The following TCF12 variants were observed in gnomAD, a reference collection of about 807,000 sequenced individuals.
The protein encoded by TCF12 is transcription factor 12, also known as DNA-binding protein HTF4.
A neutral mutation model predicts 86.0 loss-of-function variants in TCF12; 45 were observed. The observed-to-expected ratio is 0.52, with a 90% CI of 0.41 to 0.67. TCF12 has a LOEUF of 0.67. Ranked by LOEUF, TCF12 falls within the 30% of genes least tolerant of loss-of-function variation. TCF12 has a pLI of 0.00. For missense variants in TCF12, 881 were observed against 859.9 expected (o/e 1.02, Z -0.31); for synonymous variants, 330 against 299.6 (o/e 1.10, Z -1.05).
At position 57,192,298 on chromosome 15, in the gene TCF12, G is replaced by A; in HGVS notation, c.526+5G>A. On this transcript the variant is annotated splice_donor_5th_base_variant and intron_variant, in intron 7 of 20. Transcript: ENST00000333725. ...TCCATGACTCTGCAGCGCTTGGTGA[G>A]TGTATCACACAACAAATCCCATCCC... 6.2e-7 allele frequency: 1 copy of A among 1,613,340 alleles called. No homozygotes were observed. The highest frequency in any genetic ancestry group is 8.5e-7 in the Non-Finnish European group (1 of 1,179,722).
chr15:57,238,708 A>G (rs527556559), intron 12 of TCF12, among the ~76,000 whole-genome samples: 2 of 152,336 alleles, frequency 1.3e-5, no homozygotes, highest in African/African-American at 4.8e-5. Flanking sequence ...TTAAAAATAT[A>G]TATATTGGGC....
At position 57,263,186 on chromosome 15, in the gene TCF12, C is replaced by G; in HGVS notation, c.1657C>G (p.Leu553Val). 6.2e-7 allele frequency: 1 copy of G among 1,613,200 alleles called. No individual in the cohort carries two copies. The highest frequency in any genetic ancestry group is 8.5e-7 in the Non-Finnish European group (1 of 1,179,714). Residue 553 changes from leucine (L) to valine (V), a missense_variant, in exon 18 of 21, where the codon CTT (leucine) becomes GTT (valine). Physicochemically the swap from Leu to Val is conservative, Grantham distance 32. This residue lies in a region of TCF12 where 766 missense variants were observed against 718.9 expected (regional missense o/e 1.07). Transcript: ENST00000333725. ...KTENKEKDEN[L>V]HEPPSSDDMK... ...TGAAAACAAAGAAAAGGATGAAAAC[C>G]TTCATGAACCTCCTTCATCAGATGA...
chr15:57,150,901 T>C (rs891931855), intron 5 of TCF12, among the ~76,000 whole-genome samples: 14 of 129,320 alleles, frequency 1.1e-4, no homozygotes, highest in African/African-American at 2.6e-4. Flanking sequence ...CTTCCTTCCT[T>C]CCTTCCTTCC....
chr15:56,939,297 T>C (rs560072528), intron 3 of TCF12, among the ~76,000 whole-genome samples: 6 of 152,316 alleles, frequency 3.9e-5, no homozygotes, highest in Admixed American at 6.5e-5. Context: ...CTAATTCTTT[T>C]TTTTAACCAC....
intron 1 of TCF12, 100 bp downstream of exon 1, chr15:56,919,006 C>G (rs1295373075): frequency 6.6e-6 from 1 of 151,962 alleles, no homozygotes; most frequent in Non-Finnish European, 1.5e-5. Flanking sequence ...CCCCGTCCCC[C>G]GCCTCAACTC....
chr15:57,054,968 T>C (rs1254395828), intron 3 of TCF12, among the ~76,000 whole-genome samples: 1 of 151,978 alleles, frequency 6.6e-6, no homozygotes, highest in Non-Finnish European at 1.5e-5. Flanking sequence ...TCTGAATGCA[T>C]TGTAACTCTT....
At chr15:56,959,217 T>C (rs2061635226) in intron 3 of TCF12, among the ~76,000 whole-genome samples, 1 of 152,228 alleles carries the variant, frequency 6.6e-6, no homozygotes, top group Admixed American at 6.5e-5. Context: ...TTTAAACATT[T>C]ACTATGAGCC....
intron 6 of TCF12, among the ~76,000 whole-genome samples, chr15:57,191,392 G>A (rs1378087695): frequency 5.3e-5 from 8 of 152,184 alleles, no homozygotes; most frequent in African/African-American, 1.9e-4. Flanking sequence ...TTGAGCCCAG[G>A]TTCCAGGCTA....
intron 18 of TCF12, among the ~76,000 whole-genome samples, chr15:57,270,983 C>G (rs572149817): frequency 6.6e-6 from 1 of 152,172 alleles, no homozygotes; most frequent in Non-Finnish European, 1.5e-5. Context: ...GTCTGTTGGC[C>G]TCTACTGGGA....
chr15:57,038,552 TAG>T (rs2066667869), intron 3 of TCF12, among the ~76,000 whole-genome samples: 1 of 152,178 alleles, frequency 6.6e-6, no homozygotes. Context: ...TTCAGAGTTC[TAG>T]AGGTGATTCA....
At chr15:57,082,781 AC>A (rs1417043869) in intron 4 of TCF12, among the ~76,000 whole-genome samples, 1 of 152,216 alleles carries the variant, frequency 6.6e-6, no homozygotes, top group Non-Finnish European at 1.5e-5. Context: ...ACACAAGCAT[AC>A]CTTGCAAACC....
At chr15:57,076,687 T>A (rs1246117735) in intron 4 of TCF12, among the ~76,000 whole-genome samples, 1 of 151,894 alleles carries the variant, frequency 6.6e-6, no homozygotes, top group Non-Finnish European at 1.5e-5. Flanking sequence ...TTTTCCCACA[T>A]TTTTTTCCAT....
intron 3 of TCF12, among the ~76,000 whole-genome samples, chr15:56,939,713 AT>A (rs71960125): frequency 2.0e-5 from 3 of 152,116 alleles, no homozygotes; most frequent in Non-Finnish European, 4.4e-5. Context: ...CCCAAATTGC[AT>A]TTTCTTTCCT....
intron 16 of TCF12, among the ~76,000 whole-genome samples, chr15:57,255,128 C>G (rs2060290059): frequency 6.6e-6 from 1 of 152,106 alleles, no homozygotes; most frequent in African/African-American, 2.4e-5. Context: ...TAATTCTTCA[C>G]TTTTACTAGC....
At chr15:56,962,060 G>C (rs1443176109) in intron 3 of TCF12, among the ~76,000 whole-genome samples, 1 of 150,934 alleles carries the variant, frequency 6.6e-6, no homozygotes, top group Non-Finnish European at 1.5e-5. Flanking sequence ...GTGAACCCGG[G>C]AGGCGGAGCT....
intron 5 of TCF12, among the ~76,000 whole-genome samples, chr15:57,155,084 GT>G (rs1419415413): frequency 6.6e-6 from 1 of 152,146 alleles, no homozygotes; most frequent in African/African-American, 2.4e-5. Flanking sequence ...AAGCAACAAA[GT>G]GGGAATTTAA....
In TCF12 at chr15:56,955,294, C is replaced by T. The variant is rs543106182; in HGVS notation, c.148+34196C>T. Among the ~76,000 whole-genome samples, 108 of 152,128 alleles carry T rather than the reference C, an allele frequency of 7.1e-4. 2 individuals carry two copies. The South Asian group carries it at 0.022, about 31-fold the overall frequency. On this transcript the variant is annotated intron_variant, in intron 3 of 20. Transcript: ENST00000333725. ...GAAACCATCATTCTCAGCAAACTGT[C>T]ACAAGAACAGAAAACCAAACACCGC...
intron 3 of TCF12, among the ~76,000 whole-genome samples, chr15:56,972,108 T>G (rs538376937): frequency 1.3e-5 from 2 of 152,342 alleles, no homozygotes; most frequent in African/African-American, 4.8e-5. Context: ...ATAAAAGAAG[T>G]GAGTTACCTA....
chr15:57,065,126 T>C (rs2068765456), intron 4 of TCF12, among the ~76,000 whole-genome samples: 1 of 152,176 alleles, frequency 6.6e-6, no homozygotes, highest in African/African-American at 2.4e-5. Flanking sequence ...GGGATAGTCG[T>C]ATGGAATCCA....
Sources: allele counts gnomAD v4.1 joint callset (sites outside exome capture counted in the v4.1 genomes callset), GRCh38; gene constraint gnomAD v4.1.1; regional missense constraint gnomAD v4.1.1; transcripts MANE v1.5; gene names NCBI Gene and HGNC (gene_info 2026-07-23, HGNC 2026-07-21).